Variants in TMEM235 observed in about 807,000 individuals in gnomAD.
TMEM235 encodes the protein claudin-27.
TMEM235 carries 23 observed loss-of-function variants against 22.9 expected under a neutral mutation model. The ratio of observed to expected loss-of-function variants is 1.00; its 90% CI spans 0.72 to 1.42. The LOEUF (loss-of-function observed/expected upper bound fraction) is 1.42, where lower values mean the gene tolerates loss of function less well. Among genes scored for constraint, TMEM235 ranks in the 40% most tolerant of loss-of-function variants. The pLI is 0.00. For missense variants in TMEM235, 308 were observed against 299.5 expected, an observed-to-expected ratio of 1.03 and a Z score of -0.21; for synonymous variants, 137 against 140.5, an observed-to-expected ratio of 0.98 and a Z score of 0.17.
chr17:78,236,502 TC>T (rs1239546683), intron 4 of TMEM235, among the ~76,000 whole-genome samples: 1 of 152,118 alleles, frequency 6.6e-6, no homozygotes, highest in Non-Finnish European at 1.5e-5. Flanking sequence ...GGCCCCCCAG[TC>T]CCAGCTGCAG....
chr17:78,239,089 G>T (rs1429874420), exon 5 of TMEM235: 1 of 1,544,484 alleles, frequency 6.5e-7, no homozygotes. Context: ...TGCGGAGACG[G>T]TGCAGCAGTA....
chr17:78,237,223 C>T lies in TMEM235; in HGVS notation c.410-1801C>T, dbSNP rs1005270729. Among the ~76,000 whole-genome samples the T allele has an allele frequency of 6.6e-6, 1 of 152,140 alleles. No homozygotes were observed. The highest frequency in any genetic ancestry group is 1.5e-5 in the Non-Finnish European group (1 of 68,020). On this transcript the variant is annotated intron_variant, in intron 4 of 5. Transcript: ENST00000421688. The surrounding 1 kb of genome is among the most constrained non-coding windows in gnomAD (Gnocchi z 4.7). ...GGCTCTCAGGATGTCACACCAAAGG[C>T]ACCTGCCCAGGGTCAGCTCGGCCCT...
exon 5 of TMEM235, chr17:78,239,044 G>C (rs1402145320): frequency 6.5e-7 from 1 of 1,542,298 alleles, no homozygotes. Context: ...ACTGGCGGGG[G>C]TCAGCATCTA....
chr17:78,231,676 T>A (rs1272414264), exon 2 of TMEM235: 2 of 1,293,134 alleles, frequency 1.5e-6, no homozygotes. Context: ...GTTTGGCTGC[T>A]GAGGAGCCGG....
chr17:78,232,249 G>T, intron 2 of TMEM235, 36 bp downstream of exon 1: 1 of 1,417,630 alleles, frequency 7.1e-7, no homozygotes, highest in Non-Finnish European at 9.2e-7. Context: ...CTCCCTCCGC[G>T]ACCTCGTCCC....
Position 78,233,877 on chromosome 17 carries a change from G to C in TMEM235, c.191-18G>C. The C allele has an allele frequency of 1.3e-6, 2 of 1,535,644 alleles. No homozygotes were observed. The highest frequency in any genetic ancestry group is 1.7e-6 in the Non-Finnish European group (2 of 1,146,694). On this transcript the variant is annotated intron_variant, in intron 2 of 5. Coordinates refer to ENST00000421688, the Ensembl canonical transcript of TMEM235. ...CCACAGCGTCCAGGCCCCAGGCTTC[G>C]AGGCCTATGTTTCCCAGGGCAGAAC...
chr17:78,232,513 C>A (rs1442048002), intron 2 of TMEM235, among the ~76,000 whole-genome samples: 1 of 152,326 alleles, frequency 6.6e-6, no homozygotes, highest in East Asian at 1.9e-4. Context: ...TGGGGGGCCT[C>A]ATCCAAGTCA....
intron 3 of TMEM235, chr17:78,234,330 G>T (rs1305966995): frequency 2.9e-6 from 2 of 700,322 alleles, no homozygotes; most frequent in Non-Finnish European, 5.2e-6. Context: ...CTACCTGGCT[G>T]GCACCTTCCA....
Position 78,238,899 on chromosome 17 carries a change from G to A in TMEM235, c.410-125G>A, listed in dbSNP as rs2076675264. The A allele has an allele frequency of 7.2e-7, 1 of 1,395,784 alleles. No individual in the cohort carries two copies. The highest frequency in any genetic ancestry group is 2.5e-5 in the East Asian group (1 of 39,580). The allele number at this position is 1,395,784 out of a possible 1,614,324, so 86.5% of individuals were successfully genotyped here. A position where few individuals can be genotyped will look rare whatever the true frequency, so the allele number is the denominator to read the frequency against. The stretch of plus-strand genomic sequence containing the variant: ...CTAACCATGACAGGAAGGGCGGTGT[G>A]CTGCCTGCAGCTCTGCCTGAATGCT... On this transcript the variant is annotated intron_variant, in intron 4 of 5. Transcript: ENST00000421688. The surrounding 1 kb of genome is among the most constrained non-coding windows in gnomAD (Gnocchi z 4.3).
At position 78,233,432 on chromosome 17, in the gene TMEM235, G is replaced by A. The variant is rs1195807237; in HGVS notation, c.191-463G>A. Among the ~76,000 whole-genome samples, 3 of 152,364 alleles carry A rather than the reference G, an allele frequency of 2.0e-5. No homozygotes were observed. In the East Asian group the frequency reaches 5.8e-4, roughly 29 times the overall value. On this transcript the variant is annotated intron_variant, in intron 2 of 5. Transcript: ENST00000421688. ...TGAAAATAAACAAGGTGAAGGCTGG[G>A]CCCGGTGGCCCACGCCTGTAATCCC... is the stretch of plus-strand genomic sequence containing the variant.
chr17:78,239,662 A>G, intron 5 of TMEM235, 118 bp from the exon 5 acceptor site: 1 of 1,453,892 alleles, frequency 6.9e-7, no homozygotes, highest in Non-Finnish European at 9.1e-7. Context: ...TGCTGCCCCC[A>G]TTCCTAAGGA....
At chr17:78,231,496 G>A (rs762519981) in exon 2 of TMEM235, 2 of 1,304,158 alleles carry the variant, frequency 1.5e-6, no homozygotes, top group South Asian at 2.5e-5. Context: ...TGGTCCTCAG[G>A]ACTGATACAG....
At chr17:78,232,026 G>A (rs1312298646) in exon 2 of TMEM235, 3 of 1,268,680 alleles carry the variant, frequency 2.4e-6, no homozygotes, top group Non-Finnish European at 2.0e-6. Context: ...CCGCCCCCAT[G>A]GCCCGGCTGG....
exon 6 of TMEM235, chr17:78,239,842 T>C: frequency 1.3e-6 from 2 of 1,551,390 alleles, no homozygotes; most frequent in Non-Finnish European, 1.7e-6. Flanking sequence ...GCCAGAGAGA[T>C]GCCGTCTCAG....
intron 2 of TMEM235, among the ~76,000 whole-genome samples, chr17:78,232,727 G>T (rs2076597385): frequency 6.6e-6 from 1 of 150,870 alleles, no homozygotes; most frequent in Non-Finnish European, 1.5e-5. Context: ...GGCCCCCTCC[G>T]TTCCCCCCAG....
chr17:78,238,674 T>A lies in TMEM235; in HGVS notation c.410-350T>A, dbSNP rs1446376659. 6.6e-6 allele frequency among the ~76,000 whole-genome samples: 1 copy of A among 151,418 alleles called. No homozygotes were observed. Among genetic ancestry groups the A allele is most frequent in the Non-Finnish European group, 1.5e-5 (1 of 67,822 alleles). Reference sequence around the variant, plus strand: ...GTACAGAGTGTGTGGGGGGCAGTTATGTGAGTGGGAACCATGTTGAGGGGC... The same window carrying A: ...GTACAGAGTGTGTGGGGGGCAGTTAAGTGAGTGGGAACCATGTTGAGGGGC... On this transcript the variant is annotated intron_variant, in intron 4 of 5. Transcript: ENST00000421688. This position sits in a 1 kb window ranked among gnomAD's most constrained non-coding sequence, Gnocchi z 4.3.
exon 2 of TMEM235, chr17:78,231,924 G>T: frequency 4.0e-6 from 4 of 991,240 alleles, no homozygotes; most frequent in Non-Finnish European, 4.8e-6. Context: ...GCGCCGCCGC[G>T]CCCGCCCGCC....
At chr17:78,239,851 A>C in exon 6 of TMEM235, 1 of 1,551,464 alleles carries the variant, frequency 6.4e-7, no homozygotes, top group Non-Finnish European at 8.7e-7. Context: ...ATGCCGTCTC[A>C]GGCCAAGGCC....
chr17:78,234,962 A>G (rs1166068685), intron 4 of TMEM235, among the ~76,000 whole-genome samples: 1 of 152,212 alleles, frequency 6.6e-6, no homozygotes, highest in Non-Finnish European at 1.5e-5. Flanking sequence ...TTTATAAAGA[A>G]AAGAGGTTTA....
Sources: allele counts gnomAD v4.1 joint callset (sites outside exome capture counted in the v4.1 genomes callset), GRCh38; gene constraint gnomAD v4.1.1; non-coding constraint Gnocchi (gnomAD v3.1); transcripts MANE v1.5; gene names NCBI Gene and HGNC (gene_info 2026-07-23, HGNC 2026-07-21).